Variants in SNRPC observed in about 807,000 individuals in gnomAD.
SNRPC encodes the protein small nuclear ribonucleoprotein polypeptide C.
SNRPC carries 5 observed loss-of-function variants against 20.0 expected under a neutral mutation model. The observed-to-expected ratio is 0.25, with a 90% CI of 0.13 to 0.53. The LOEUF is 0.53. SNRPC is among the 20% of genes least tolerant of loss of function. SNRPC has a pLI of 0.96. For missense variants in SNRPC, 112 were observed against 224.1 expected (o/e 0.50, Z 3.19); for synonymous variants, 61 against 58.7 (o/e 1.04, Z -0.18).
At chr6:34,768,069 C>A in intron 4 of SNRPC, 72 bp downstream of exon 4, 1 of 1,390,772 alleles carries the variant, frequency 7.2e-7, no homozygotes, top group East Asian at 2.3e-5. Flanking sequence ...GATTATCTCA[C>A]CGTTGGCTTT....
At chr6:34,764,416 GGT>G in intron 3 of SNRPC, among the ~76,000 whole-genome samples, 1 of 151,220 alleles carries the variant, frequency 6.6e-6, no homozygotes, top group African/African-American at 2.4e-5. Flanking sequence ...GCGGAGGTTG[GGT>G]TGAGCCGAGA....
At chr6:34,770,195 C>G in intron 4 of SNRPC, 96 bp from the exon 5 acceptor site, 4 of 918,802 alleles carry the variant, frequency 4.4e-6, no homozygotes, top group Middle Eastern at 3.3e-4. Flanking sequence ...GCACTCCGGC[C>G]TGGGCAACAA....
At chr6:34,769,871 A>G (rs1185428599) in intron 4 of SNRPC, among the ~76,000 whole-genome samples, 1 of 152,180 alleles carries the variant, frequency 6.6e-6, no homozygotes, top group Non-Finnish European at 1.5e-5. Flanking sequence ...AGAGACCATA[A>G]GAGGGTTGTT....
chr6:34,758,472 C>T (rs555682849), intron 2 of SNRPC, among the ~76,000 whole-genome samples: 1 of 152,198 alleles, frequency 6.6e-6, no homozygotes, highest in African/African-American at 2.4e-5. Context: ...TGGGCCACCA[C>T]GCCCGGCTAA....
chr6:34,764,525 T>C (rs1028365792), intron 3 of SNRPC, among the ~76,000 whole-genome samples: 2 of 150,626 alleles, frequency 1.3e-5, no homozygotes, highest in Non-Finnish European at 3.0e-5. Context: ...CAGACGGGCA[T>C]GGTGGTGCGT....
chr6:34,766,390 G>T (rs1190572538), intron 3 of SNRPC, among the ~76,000 whole-genome samples: 1 of 151,678 alleles, frequency 6.6e-6, no homozygotes, highest in Non-Finnish European at 1.5e-5. Flanking sequence ...GTAGAGACGG[G>T]ATCTCACTAT....
intron 2 of SNRPC, 47 bp from the exon 3 acceptor site, chr6:34,762,548 T>TTTA: frequency 1.0e-6 from 1 of 977,424 alleles, no homozygotes; most frequent in Non-Finnish European, 1.6e-6. Flanking sequence ...AAATTTTTAG[T>TTTA]GTTGGACATT....
At chr6:34,764,619 C>G (rs916351786) in intron 3 of SNRPC, among the ~76,000 whole-genome samples, 2 of 151,748 alleles carry the variant, frequency 1.3e-5, no homozygotes, top group Non-Finnish European at 2.9e-5. Flanking sequence ...GCTAAGATTG[C>G]GCCACTGCAC....
At chr6:34,769,389 T>G (rs546282727) in intron 4 of SNRPC, among the ~76,000 whole-genome samples, 2 of 152,022 alleles carry the variant, frequency 1.3e-5, no homozygotes, top group South Asian at 4.2e-4. Context: ...GATGGGGTTT[T>G]GCCATGTTGG....
At chr6:34,759,438 T>C (rs1308444395) in intron 2 of SNRPC, among the ~76,000 whole-genome samples, 1 of 152,256 alleles carries the variant, frequency 6.6e-6, no homozygotes, top group African/African-American at 2.4e-5. Flanking sequence ...ACATGCCTGC[T>C]TTTCCTTGAA....
rs1250131590 is a variant in SNRPC at position 34,771,347 on chromosome 6, A to G, written c.355+952A>G. ...GTGTCTCAAAAAAAAAAAAAAAAAAAAAGTGTGTCTAATGATTGGAACACT... is the reference window on the plus strand; with the variant it reads ...GTGTCTCAAAAAAAAAAAAAAAAAAGAAGTGTGTCTAATGATTGGAACACT... On this transcript the variant is annotated intron_variant, in intron 5 of 5. Coordinates refer to ENST00000244520, the MANE Select transcript of SNRPC (RefSeq NM_003093.3). 4.0e-5 allele frequency among the ~76,000 whole-genome samples: 6 copies of G among 150,126 alleles called. No homozygotes were observed. The East Asian group carries it at 1.2e-3, about 29-fold the overall frequency.
Position 34,757,541 on chromosome 6 carries a change from A to G in SNRPC, c.-3A>G, listed in dbSNP as rs771099140. 3.7e-6 allele frequency: 6 copies of G among 1,613,736 alleles called. No homozygotes were observed. In the Admixed American group the frequency reaches 5.0e-5, roughly 13 times the overall value. ...CGGAGTGGCCAACGGCCTGCAGAGC[A>G]ACATGCCCAAGTGAGTGGGGCCCCG... On this transcript the variant is annotated 5_prime_UTR_variant, in exon 1 of 6. Transcript: ENST00000244520.
chr6:34,758,171 A>C (rs1764478750), intron 2 of SNRPC, among the ~76,000 whole-genome samples: 1 of 152,200 alleles, frequency 6.6e-6, no homozygotes, highest in South Asian at 2.1e-4. Flanking sequence ...CTGCAGTCCC[A>C]GATACGCAAG....
At chr6:34,758,177 G>A (rs1392940060) in intron 2 of SNRPC, among the ~76,000 whole-genome samples, 1 of 152,092 alleles carries the variant, frequency 6.6e-6, no homozygotes, top group Non-Finnish European at 1.5e-5. Context: ...TCCCAGATAC[G>A]CAAGAGGATG....
In SNRPC at chr6:34,773,084, G is replaced by A. The variant is rs978056350; in HGVS notation, c.356-362G>A. ...ATGGTGGATAACACTGATTAAAAGA[G>A]CTGACTGAAAAACATGTGACTTAGT... On this transcript the variant is annotated intron_variant, in intron 5 of 5. Coordinates refer to ENST00000244520, the MANE Select transcript of SNRPC (RefSeq NM_003093.3). The surrounding 1 kb of genome is among the most constrained non-coding windows in gnomAD (Gnocchi z 4.1). 11 of 218,304 alleles carry A rather than the reference G, an allele frequency of 5.0e-5. No individual in the cohort carries two copies. The highest frequency in any genetic ancestry group is 8.5e-5 in the Non-Finnish European group (9 of 106,316). 13.5% of individuals were successfully genotyped at this position (218,304 alleles called of 1,614,324 possible).
At position 34,762,663 on chromosome 6, in the gene SNRPC, A is replaced by G. The variant is rs550883072; in HGVS notation, c.120A>G (p.Lys40=). 6.9e-6 allele frequency: 11 copies of G among 1,602,424 alleles called. No homozygotes were observed. In the African/African-American group the frequency reaches 8.0e-5, roughly 12 times the overall value. Residue 40 remains lysine, a synonymous_variant, in exon 3 of 6, where the codon AAA becomes AAG. Coordinates refer to ENST00000244520, the MANE Select transcript of SNRPC (RefSeq NM_003093.3). ...AGAATGTGAAAGACTATTATCAGAA[A>G]TGGATGGAAGAGCAGGCTCAGAGCC... ...HKENVKDYYQ[K]WMEEQAQSLI... is the part of the protein sequence containing the mutation.
At chr6:34,758,523 C>T (rs759929512) in intron 2 of SNRPC, among the ~76,000 whole-genome samples, 1 of 152,018 alleles carries the variant, frequency 6.6e-6, no homozygotes, top group Non-Finnish European at 1.5e-5. Context: ...CCATGTTGGT[C>T]AGGCTGGTCT....
intron 2 of SNRPC, among the ~76,000 whole-genome samples, chr6:34,761,837 G>A: frequency 6.6e-6 from 1 of 151,776 alleles, no homozygotes; most frequent in Admixed American, 6.6e-5. Flanking sequence ...TTTGGAGATA[G>A]GATTTTGCTT....
chr6:34,763,050 T>C (rs1764558006), intron 3 of SNRPC, among the ~76,000 whole-genome samples: 1 of 152,178 alleles, frequency 6.6e-6, no homozygotes, highest in Non-Finnish European at 1.5e-5. Context: ...TATGTTCCTA[T>C]TCTAATAGGA....
Sources: allele counts gnomAD v4.1 joint callset (sites outside exome capture counted in the v4.1 genomes callset), GRCh38; gene constraint gnomAD v4.1.1; non-coding constraint Gnocchi (gnomAD v3.1); transcripts MANE v1.5; gene names NCBI Gene and HGNC (gene_info 2026-07-23, HGNC 2026-07-21).